The following NHSL1 variants were observed in gnomAD, a reference collection of about 807,000 sequenced individuals.
NHSL1 encodes the protein NHS-like protein 1.
In NHSL1, 48 loss-of-function variants were observed where a neutral mutation model predicts 95.0. That is an observed-to-expected ratio of 0.51 (90% confidence interval 0.40 to 0.64). The LOEUF (loss-of-function observed/expected upper bound fraction) is 0.64, where lower values mean the gene tolerates loss of function less well. NHSL1 is among the 30% of genes least tolerant of loss of function. The probability of loss-of-function intolerance (pLI) is 0.00; values close to 1 mark genes in which losing one functional copy is unlikely to be tolerated. For synonymous variants in NHSL1, 783 were observed against 833.9 expected, an observed-to-expected ratio of 0.94 and a Z score of 1.05; for missense variants, 1,971 against 2,077.7, an observed-to-expected ratio of 0.95 and a Z score of 1.00.
At chr6:138,611,955 C>A (rs1274526996) in intron 1 of NHSL1, among the ~76,000 whole-genome samples, 1 of 150,574 alleles carries the variant, frequency 6.6e-6, no homozygotes, top group African/African-American at 2.4e-5. Flanking sequence ...ACTAAAAATA[C>A]AAAAATTAGC....
At chr6:138,512,334 A>G (rs1204277129) in intron 1 of NHSL1, 4 of 455,386 alleles carry the variant, frequency 8.8e-6, no homozygotes, top group South Asian at 3.1e-5. Flanking sequence ...AATATATTAC[A>G]TTCATTATCA....
In NHSL1 at chr6:138,433,102, T is replaced by C. The variant is rs1158564096; in HGVS notation, c.1243A>G (p.Asn415Asp). ...TCGGAAGAGGAAGACAGTGTGGCAT[T>C]TGGGATGATGCTGGTGGAGTAGGTT... The part of the protein sequence containing the change: ...HATYSTSIIP[N>D]ATLSSSSEVI... Residue 415 changes from asparagine to aspartate, a missense_variant, in exon 6 of 8, where the codon AAT becomes GAT. Physicochemically the swap from Asn to Asp is conservative, Grantham distance 23. Coordinates refer to ENST00000343505, the MANE Select transcript of NHSL1 (RefSeq NM_001144060.2). 2.6e-6 allele frequency: 4 copies of C among 1,550,876 alleles called. No homozygotes were observed. The highest frequency in any genetic ancestry group is 2.0e-5 in the Admixed American group (1 of 50,982).
chr6:138,665,764 C>T (rs2114745036), intron 1 of NHSL1, among the ~76,000 whole-genome samples: 1 of 152,220 alleles, frequency 6.6e-6, no homozygotes, highest in Non-Finnish European at 1.5e-5. Flanking sequence ...ACATTACTAA[C>T]ACTTAATTTT....
intron 1 of NHSL1, among the ~76,000 whole-genome samples, chr6:138,553,208 G>C (rs1783075093): frequency 6.6e-6 from 1 of 152,146 alleles, no homozygotes; most frequent in Non-Finnish European, 1.5e-5. Context: ...ATCCCATTAA[G>C]TGACCCCCTT....
chr6:138,679,947 C>CA (rs1229681633), intron 1 of NHSL1, among the ~76,000 whole-genome samples: 3 of 151,344 alleles, frequency 2.0e-5, no homozygotes, highest in East Asian at 1.9e-4. Context: ...ATATATTGGC[C>CA]AAAAAAAGAG....
At chr6:138,633,497 G>A (rs1484558171) in intron 1 of NHSL1, among the ~76,000 whole-genome samples, 3 of 152,174 alleles carry the variant, frequency 2.0e-5, no homozygotes, top group Non-Finnish European at 4.4e-5. Flanking sequence ...ACTTTTCAGT[G>A]GAAACCTTGC....
At position 138,692,040 on chromosome 6, in the gene NHSL1, C is replaced by G. The variant is rs1453274560; in HGVS notation, c.96+436G>C. On this transcript the variant is annotated intron_variant, in intron 1 of 3. Transcript: ENST00000491526. The surrounding 1 kb of genome is among the most constrained non-coding windows in gnomAD (Gnocchi z 4.0). The stretch of plus-strand genomic sequence containing the variant: ...GATCCCCAGGGTTTTACAAACGGAT[C>G]GTCCTGAAGTCTCCAAAACTGTAAC... The G allele has an allele frequency of 8.8e-6, 4 of 456,546 alleles. No individual in the cohort carries two copies. Among genetic ancestry groups the G allele is most frequent in the African/African-American group, 8.0e-5 (4 of 50,058 alleles). The allele number at this position is 456,546 out of a possible 1,614,324, so 28.3% of individuals were successfully genotyped here. A position where few individuals can be genotyped will look rare whatever the true frequency, so the allele number is the denominator to read the frequency against.
At chr6:138,584,718 T>C (rs1469970735) in intron 1 of NHSL1, among the ~76,000 whole-genome samples, 2 of 152,206 alleles carry the variant, frequency 1.3e-5, no homozygotes, top group African/African-American at 4.8e-5. Context: ...ACCATGAAGA[T>C]ATGCCACCAC....
intron 1 of NHSL1, among the ~76,000 whole-genome samples, chr6:138,678,879 A>G (rs1304584084): frequency 6.6e-6 from 1 of 152,204 alleles, no homozygotes; most frequent in African/African-American, 2.4e-5. Context: ...AAACTTGCAA[A>G]TTTGCAAAAC....
chr6:138,495,818 C>A (rs1159445274), intron 2 of NHSL1, among the ~76,000 whole-genome samples: 1 of 152,170 alleles, frequency 6.6e-6, no homozygotes, highest in East Asian at 1.9e-4. Context: ...GCCGCACAAT[C>A]ATGGCAGAAG....
At chr6:138,659,899 A>G (rs1295993093) in intron 1 of NHSL1, among the ~76,000 whole-genome samples, 1 of 152,008 alleles carries the variant, frequency 6.6e-6, no homozygotes, top group African/African-American at 2.4e-5. Flanking sequence ...ATTTTTTGGT[A>G]GAGATGGGGT....
At chr6:138,447,227 A>G (rs1776922117) in intron 3 of NHSL1, 34 bp from the exon 4 acceptor site, 1 of 1,488,682 alleles carries the variant, frequency 6.7e-7, no homozygotes, top group Non-Finnish European at 9.1e-7. Context: ...GCCACAGTGT[A>G]TAAAGAGCTG....
chr6:138,548,489 A>G (rs1322876443), upstream of NHSL1, among the ~76,000 whole-genome samples: 2 of 152,176 alleles, frequency 1.3e-5, no homozygotes, highest in Non-Finnish European at 2.9e-5. Context: ...ATTGTTTTGC[A>G]ATTTTTAAGT....
intron 1 of NHSL1, among the ~76,000 whole-genome samples, chr6:138,659,007 G>A (rs1785191030): frequency 6.6e-6 from 1 of 151,538 alleles, no homozygotes; most frequent in African/African-American, 2.4e-5. Flanking sequence ...AAGGGAATAA[G>A]GAAGTCACTA....
upstream of NHSL1, among the ~76,000 whole-genome samples, chr6:138,501,452 C>T (rs894969110): frequency 6.6e-6 from 1 of 152,128 alleles, no homozygotes; most frequent in Non-Finnish European, 1.5e-5. Flanking sequence ...GGTGGCCAGG[C>T]TGCAGCATCG....
At chr6:138,458,373 C>T (rs1395157124) in intron 3 of NHSL1, among the ~76,000 whole-genome samples, 1 of 152,158 alleles carries the variant, frequency 6.6e-6, no homozygotes, top group African/African-American at 2.4e-5. Flanking sequence ...CTTCCTTAGT[C>T]GTCTCTCTCC....
chr6:138,505,386 T>A (rs1780905233), intron 1 of NHSL1, among the ~76,000 whole-genome samples: 1 of 152,198 alleles, frequency 6.6e-6, no homozygotes, highest in Non-Finnish European at 1.5e-5. Context: ...CTGGGCATGG[T>A]GACTCATGCC....
chr6:138,499,138 C>T (rs1780528032), intron 1 of NHSL1, 95 bp downstream of exon 1: 1 of 629,412 alleles, frequency 1.6e-6, no homozygotes, highest in Non-Finnish European at 2.4e-6. Context: ...CACATGGACA[C>T]ACACACACAC....
At chr6:138,641,040 G>T (rs1784953134) in intron 1 of NHSL1, among the ~76,000 whole-genome samples, 1 of 152,212 alleles carries the variant, frequency 6.6e-6, no homozygotes, top group African/African-American at 2.4e-5. Flanking sequence ...CCACCCCAAA[G>T]CCAATCTCAG....
Sources: allele counts gnomAD v4.1 joint callset (sites outside exome capture counted in the v4.1 genomes callset), GRCh38; gene constraint gnomAD v4.1.1; non-coding constraint Gnocchi (gnomAD v3.1); transcripts MANE v1.5; gene names NCBI Gene and HGNC (gene_info 2026-07-23, HGNC 2026-07-21).